The following ACMSD variants were observed in gnomAD, a reference collection of about 807,000 sequenced individuals.
ACMSD encodes the protein 2-amino-3-carboxymuconate-6-semialdehyde decarboxylase.
In ACMSD, 37 loss-of-function variants were observed where a neutral mutation model predicts 45.9. The observed-to-expected ratio is 0.81, with a 90% confidence interval of 0.62 to 1.06. The LOEUF (loss-of-function observed/expected upper bound fraction) is 1.06, where lower values mean the gene tolerates loss of function less well. Ranked by LOEUF, ACMSD falls within the 50% of genes least tolerant of loss-of-function variation. The pLI is 0.00. For missense variants in ACMSD, 434 were observed against 420.9 expected (o/e 1.03, Z -0.27); for synonymous variants, 138 against 148.8 (o/e 0.93, Z 0.53).
intron 8 of ACMSD, among the ~76,000 whole-genome samples, chr2:134,875,776 A>T (rs1183138786): frequency 6.6e-6 from 1 of 152,244 alleles, no homozygotes; most frequent in Non-Finnish European, 1.5e-5. Context: ...TTCTGGCTAG[A>T]TCCATTGGTA....
chr2:134,886,517 G>A lies in ACMSD; in HGVS notation c.850-11824G>A, dbSNP rs576850415. Among the ~76,000 whole-genome samples the A allele has an allele frequency of 3.6e-4, 54 of 152,030 alleles. 1 individual carries two copies. The highest frequency in any genetic ancestry group is 1.2e-3 in the African/African-American group (48 of 41,462). ...CCCGCCTCAGCCTCCCAAAAGTGCT[G>A]GGATTACAGGCGTGAGCCACTGCGC... On this transcript the variant is annotated intron_variant, in intron 8 of 9. Transcript: ENST00000356140.
At chr2:134,880,409 C>T (rs1688973626) in intron 8 of ACMSD, among the ~76,000 whole-genome samples, 1 of 152,062 alleles carries the variant, frequency 6.6e-6, no homozygotes, top group Admixed American at 6.6e-5. Flanking sequence ...ATTTCCTTCC[C>T]TCTGCTTTTT....
chr2:134,901,659 G>GT, intron 9 of ACMSD, 139 bp from the exon 10 acceptor site: 1 of 476,806 alleles, frequency 2.1e-6, no homozygotes, highest in Non-Finnish European at 3.7e-6. Flanking sequence ...GAGGATTTTG[G>GT]TAAGAGATTC....
rs185838375 is a variant in ACMSD, at chr2:134,898,876, T to C, written c.948+437T>C. On this transcript the variant is annotated intron_variant, in intron 9 of 9. Coordinates refer to ENST00000356140, the MANE Select transcript of ACMSD (RefSeq NM_138326.3). ...TTAAGTAACTAGACTTTATTTTTTT[T>C]CCCGGCGTTTGACTTTTAAGGCAGG... 6.6e-5 allele frequency among the ~76,000 whole-genome samples: 10 copies of C among 152,234 alleles called. No homozygotes were observed. In the East Asian group the frequency reaches 1.5e-3, roughly 23 times the overall value.
intron 8 of ACMSD, among the ~76,000 whole-genome samples, chr2:134,886,105 G>A (rs1260780884): frequency 2.0e-5 from 3 of 152,042 alleles, no homozygotes; most frequent in African/African-American, 7.2e-5. Context: ...AAGTGGATGA[G>A]ACTGGAATTC....
At chr2:134,848,117 C>T (rs1034431397) in intron 2 of ACMSD, among the ~76,000 whole-genome samples, 7 of 152,226 alleles carry the variant, frequency 4.6e-5, no homozygotes, top group African/African-American at 1.7e-4. Flanking sequence ...TTCCAAAGTG[C>T]TGGGATTACA....
chr2:134,889,407 GA>G (rs1689647781), intron 8 of ACMSD, among the ~76,000 whole-genome samples: 1 of 152,132 alleles, frequency 6.6e-6, no homozygotes, highest in Non-Finnish European at 1.5e-5. Flanking sequence ...CCAAGACAGA[GA>G]AAGTATAAAG....
intron 8 of ACMSD, among the ~76,000 whole-genome samples, chr2:134,879,279 T>C (rs1688910688): frequency 1.3e-5 from 2 of 152,202 alleles, no homozygotes; most frequent in Admixed American, 1.3e-4. Context: ...TAGTTTCCAA[T>C]CACATTTTCC....
chr2:134,842,699 G>GCAGCTTTATATGCACTATC (rs1283965806), intron 1 of ACMSD, among the ~76,000 whole-genome samples: 2 of 152,148 alleles, frequency 1.3e-5, no homozygotes, highest in African/African-American at 2.4e-5. Context: ...CCTGGTGTCA[G>GCAGCTTTATATGCACTATC]CAGCTTTATA....
At chr2:134,895,478 G>A (rs896338251) in intron 8 of ACMSD, among the ~76,000 whole-genome samples, 2 of 150,960 alleles carry the variant, frequency 1.3e-5, no homozygotes, top group Non-Finnish European at 2.9e-5. Flanking sequence ...CCCCCAAATT[G>A]ATCTACAGAT....
chr2:134,898,248 T>A, intron 8 of ACMSD, 93 bp from the exon 9 acceptor site: 1 of 672,584 alleles, frequency 1.5e-6, no homozygotes, highest in Non-Finnish European at 2.3e-6. Context: ...GTTATTTTTA[T>A]GACAGGAATG....
chr2:134,892,645 AG>A (rs1284728763), intron 8 of ACMSD, among the ~76,000 whole-genome samples: 1 of 152,124 alleles, frequency 6.6e-6, no homozygotes, highest in Non-Finnish European at 1.5e-5. Context: ...CCTAGGGTCA[AG>A]GGAGTCCATT....
At chr2:134,848,723 G>C (rs1687196246) in intron 2 of ACMSD, among the ~76,000 whole-genome samples, 1 of 152,182 alleles carries the variant, frequency 6.6e-6, no homozygotes, top group East Asian at 1.9e-4. Context: ...CATTCTGTGG[G>C]TTGCTGTTCA....
At position 134,901,858 on chromosome 2, in the gene ACMSD, T is replaced by C. The variant is rs1690520494; in HGVS notation, c.1009T>C (p.Ter337ArgextTer18). The C allele has an allele frequency of 1.3e-6, 2 of 1,598,904 alleles. No homozygotes were observed. The highest frequency in any genetic ancestry group is 1.7e-6 in the Non-Finnish European group (2 of 1,169,736). Reference sequence around the variant, plus strand: ...GGGTCTTGAGAGAAAACAATTTGAATGACTGAATTTACTACAAAGGCAAAC... The same window carrying C: ...GGGTCTTGAGAGAAAACAATTTGAACGACTGAATTTACTACAAAGGCAAAC... ...FLGLERKQFE[*>R] Residue 337 changes from the stop codon to arginine (R), a stop_lost, in exon 10 of 10, where the codon TGA becomes CGA. Transcript: ENST00000356140.
chr2:134,886,004 G>A (rs1283521962), intron 8 of ACMSD, among the ~76,000 whole-genome samples: 2 of 152,044 alleles, frequency 1.3e-5, no homozygotes, highest in African/African-American at 2.4e-5. Flanking sequence ...TCTAGGCAAT[G>A]GAAAACTATT....
Position 134,863,368 on chromosome 2 carries a change from C to A in ACMSD, c.250-27C>A, listed in dbSNP as rs776904567. On this transcript the variant is annotated intron_variant, in intron 4 of 9. Coordinates refer to ENST00000356140, the MANE Select transcript of ACMSD (RefSeq NM_138326.3). ...TAAAAGAAGTAGGTTTTCAACAATG[C>A]GGTTTTCCCTTTCCTGTCTCCACCA... 8 of 1,596,552 alleles carry A rather than the reference C, an allele frequency of 5.0e-6. No homozygotes were observed. The East Asian group carries it at 1.6e-4, about 31-fold the overall frequency.
chr2:134,885,216 T>C (rs1390566134), intron 8 of ACMSD, among the ~76,000 whole-genome samples: 1 of 128,334 alleles, frequency 7.8e-6, no homozygotes, highest in African/African-American at 3.0e-5. Flanking sequence ...TACATATATA[T>C]ATTTATATAT....
Position 134,863,910 on chromosome 2 carries a change from G to A in ACMSD, c.486+279G>A, listed in dbSNP as rs559286773. ...TTGCCCTCCTTTTAATCTTTCACTTGGAAGACAAAATACCCTCTTTACAGC... is the reference window on the plus strand; with the variant it reads ...TTGCCCTCCTTTTAATCTTTCACTTAGAAGACAAAATACCCTCTTTACAGC... On this transcript the variant is annotated intron_variant, in intron 5 of 9. Transcript: ENST00000356140. Among the ~76,000 whole-genome samples, 7 of 152,092 alleles carry A rather than the reference G, an allele frequency of 4.6e-5. No homozygotes were observed. In the East Asian group the frequency reaches 1.4e-3, roughly 29 times the overall value.
intron 8 of ACMSD, among the ~76,000 whole-genome samples, chr2:134,892,182 A>G (rs2104950549): frequency 6.6e-6 from 1 of 152,066 alleles, no homozygotes; most frequent in South Asian, 2.1e-4. Context: ...ACCATTATGC[A>G]ATATCTCCAT....
Sources: allele counts gnomAD v4.1 joint callset (sites outside exome capture counted in the v4.1 genomes callset), GRCh38; gene constraint gnomAD v4.1.1; transcripts MANE v1.5; gene names NCBI Gene and HGNC (gene_info 2026-07-23, HGNC 2026-07-21).